NAGS: variants seen among roughly 807,000 people sequenced by gnomAD.
NAGS encodes N-acetylglutamate synthase, mitochondrial.
In NAGS, 34 loss-of-function variants were observed where a neutral mutation model predicts 46.9. The ratio of observed to expected loss-of-function variants is 0.72; its 90% CI spans 0.55 to 0.97. The LOEUF is 0.97. Ranked by LOEUF, NAGS falls within the 50% of genes least tolerant of loss-of-function variation. The probability of loss-of-function intolerance (pLI) is 0.00; values close to 1 mark genes in which losing one functional copy is unlikely to be tolerated. For missense variants in NAGS, 665 were observed against 747.0 expected (o/e 0.89, Z 1.28); for synonymous variants, 334 against 346.3 (o/e 0.96, Z 0.39).
Position 44,007,686 on chromosome 17 carries a change from G to A in NAGS, c.1364G>A (p.Gly455Asp). The A allele has an allele frequency of 6.2e-7, 1 of 1,604,746 alleles. No homozygotes were observed. Among genetic ancestry groups the A allele is most frequent in the Non-Finnish European group, 8.5e-7 (1 of 1,175,432 alleles). Residue 455 changes from glycine to aspartate, a missense_variant, in exon 6 of 7, where the codon GGC becomes GAC. Physicochemically the swap from Gly to Asp is moderately conservative, Grantham distance 94. Coordinates refer to ENST00000293404, the MANE Select transcript of NAGS (RefSeq NM_153006.3). The surrounding 1 kb of genome is among the most constrained non-coding windows in gnomAD (Gnocchi z 5.1). ...GTGAGCTCCAGCCGCCAGGGCCAAG[G>A]CTCCGGCCAGATGCTGTGGGAGTGC... ...FVVSSSRQGQ[G>D]SGQMLWECLR...
At position 44,007,232 on chromosome 17, in the gene NAGS, T is replaced by C. The variant is rs1054655457; in HGVS notation, c.1097-91T>C. 8.0e-7 allele frequency: 1 copy of C among 1,251,692 alleles called. No individual in the cohort carries two copies. The highest frequency in any genetic ancestry group is 1.5e-5 in the African/African-American group (1 of 66,138). The allele number at this position is 1,251,692 out of a possible 1,614,324, so 77.5% of individuals were successfully genotyped here. A position where few individuals can be genotyped will look rare whatever the true frequency, so the allele number is the denominator to read the frequency against. On this transcript the variant is annotated intron_variant, in intron 4 of 6. Transcript: ENST00000293404. The surrounding 1 kb of genome is among the most constrained non-coding windows in gnomAD (Gnocchi z 5.1). Reference sequence around the variant, plus strand: ...TGTGGAGGTCTCCCAAAGACGGAAATTGTCCCACCAGCGCCTGTCCTACCT... The same window carrying C: ...TGTGGAGGTCTCCCAAAGACGGAAACTGTCCCACCAGCGCCTGTCCTACCT...
Position 44,005,096 on chromosome 17 carries a change from G to A in NAGS, c.426+7G>A, listed in dbSNP as rs2143980401. The A allele has an allele frequency of 1.3e-6, 2 of 1,564,426 alleles. No individual in the cohort carries two copies. Among genetic ancestry groups the A allele is most frequent in the African/African-American group, 1.3e-5 (1 of 74,218 alleles). Reference sequence around the variant, plus strand: ...GCCCTTCGCCGTCATCGAGGTGAGCGGAGCCCGGCGTGGGCCGTGACGCAG... The same window carrying A: ...GCCCTTCGCCGTCATCGAGGTGAGCAGAGCCCGGCGTGGGCCGTGACGCAG... On this transcript the variant is annotated splice_region_variant and intron_variant, in intron 1 of 6. Transcript: ENST00000293404. This position sits in a 1 kb window ranked among gnomAD's most constrained non-coding sequence, Gnocchi z 7.2.
chr17:44,005,000 T>G lies in NAGS; in HGVS notation c.337T>G (p.Cys113Gly). 6.4e-7 allele frequency: 1 copy of G among 1,551,088 alleles called. No homozygotes were observed. Among genetic ancestry groups the G allele is most frequent in the Non-Finnish European group, 8.7e-7 (1 of 1,154,200 alleles). ...GGACATCCAGGCCTTCCTGAACCAG[T>G]GCGGGGCCAGCCCTGGGGAGGCGCG... ...QRDIQAFLNQ[C>G]GASPGEARHW... Residue 113 changes from cysteine (C) to glycine (G), a missense_variant, in exon 1 of 7, where the codon TGC becomes GGC. Coordinates refer to ENST00000293404, the MANE Select transcript of NAGS (RefSeq NM_153006.3).
Position 44,008,798 on chromosome 17 carries a change from C to A in NAGS, c.*197C>A. ...AAGCACAGGAAAGAAGGGGACCAGTCTAGGACCCCAACTCGACTCACTCTA... is the reference window on the plus strand; with the variant it reads ...AAGCACAGGAAAGAAGGGGACCAGTATAGGACCCCAACTCGACTCACTCTA... On this transcript the variant is annotated 3_prime_UTR_variant, in exon 7 of 7. Coordinates refer to ENST00000293404, the MANE Select transcript of NAGS (RefSeq NM_153006.3). 1 of 700,614 alleles carries A rather than the reference C, an allele frequency of 1.4e-6. No homozygotes were observed. Among genetic ancestry groups the A allele is most frequent in the Non-Finnish European group, 2.4e-6 (1 of 411,282 alleles). The allele number at this position is 700,614 out of a possible 1,614,324, so 43.4% of individuals were successfully genotyped here.
In NAGS at chr17:44,006,281, C is replaced by G; in HGVS notation, c.915+44C>G. The G allele has an allele frequency of 6.3e-7, 1 of 1,595,176 alleles. No individual in the cohort carries two copies. Among genetic ancestry groups the G allele is most frequent in the Non-Finnish European group, 8.5e-7 (1 of 1,169,718 alleles). ...CCTTCCCCCACGCCGGCGATCCGGG[C>G]CTTCTCTTGCGCCCCTCGCACTTCT... On this transcript the variant is annotated intron_variant, in intron 3 of 6. Transcript: ENST00000293404. This position sits in a 1 kb window ranked among gnomAD's most constrained non-coding sequence, Gnocchi z 4.8.
At chr17:44,008,163 C>T (rs2049119822) in intron 6 of NAGS, among the ~76,000 whole-genome samples, 1 of 152,214 alleles carries the variant, frequency 6.6e-6, no homozygotes, top group South Asian at 2.1e-4. Flanking sequence ...CTTTGCTGCA[C>T]AGCCAAGGCA....
chr17:44,005,896 C>A lies in NAGS; in HGVS notation c.686C>A (p.Pro229Gln). Residue 229 changes from proline (P) to glutamine (Q), a missense_variant, in exon 2 of 7, where the codon CCG becomes CAG. By Grantham distance (76) the Pro-to-Gln change is moderately conservative. Transcript: ENST00000293404. This position sits in a 1 kb window ranked among gnomAD's most constrained non-coding sequence, Gnocchi z 7.2. The part of the protein sequence containing the change: ...GGGSVLRAAE[P>Q]APHASYGGIV... ...GGGTCTGTGCTACGCGCTGCCGAGCCGGCTCCCCATGCCAGGTGAGTGCCC... is the reference window on the plus strand; with the variant it reads ...GGGTCTGTGCTACGCGCTGCCGAGCAGGCTCCCCATGCCAGGTGAGTGCCC... 1 of 1,548,512 alleles carries A rather than the reference C, an allele frequency of 6.5e-7. No individual in the cohort carries two copies. Among genetic ancestry groups the A allele is most frequent in the Non-Finnish European group, 8.7e-7 (1 of 1,150,442 alleles).
rs1273383289 is a variant in NAGS, at chr17:44,007,924, G to T, written c.1451+151G>T. On this transcript the variant is annotated intron_variant, in intron 6 of 6. Transcript: ENST00000293404. This position sits in a 1 kb window ranked among gnomAD's most constrained non-coding sequence, Gnocchi z 5.1. ...GGGGCAGAACACACAGAAAGCCTGAGATTTCCCGAGTTAAAGCATGCTTAA... is the reference window on the plus strand; with the variant it reads ...GGGGCAGAACACACAGAAAGCCTGATATTTCCCGAGTTAAAGCATGCTTAA... 2.3e-6 allele frequency: 2 copies of T among 856,340 alleles called. No homozygotes were observed. Among genetic ancestry groups the T allele is most frequent in the East Asian group, 5.3e-5 (2 of 37,648 alleles). The allele number at this position is 856,340 out of a possible 1,614,324, so 53.0% of individuals were successfully genotyped here.
Position 44,005,725 on chromosome 17 carries a change from T to C in NAGS, c.515T>C (p.Leu172Pro). Residue 172 changes from leucine to proline, a missense_variant, in exon 2 of 7, where the codon CTG becomes CCG. Coordinates refer to ENST00000293404, the MANE Select transcript of NAGS (RefSeq NM_153006.3). This position sits in a 1 kb window ranked among gnomAD's most constrained non-coding sequence, Gnocchi z 7.2. ...AFLQRMDMKP[L>P]VVLGLPAPTA... The stretch of plus-strand genomic sequence containing the variant: ...TTGCAGCGCATGGACATGAAGCCGC[T>C]GGTGGTCCTGGGGCTGCCGGCCCCT... The C allele has an allele frequency of 6.3e-7, 1 of 1,595,516 alleles. No homozygotes were observed. The highest frequency in any genetic ancestry group is 8.5e-7 in the Non-Finnish European group (1 of 1,171,608).
Position 44,005,867 on chromosome 17 carries a change from C to T in NAGS, c.657C>T (p.Gly219=). 6.4e-7 allele frequency: 1 copy of T among 1,553,764 alleles called. No homozygotes were observed. Among genetic ancestry groups the T allele is most frequent in the South Asian group, 1.2e-5 (1 of 84,752 alleles). The change falls in exon 2 of 7, where the codon GGC becomes GGT. Residue 219 remains glycine, a synonymous_variant. Coordinates refer to ENST00000293404, the MANE Select transcript of NAGS (RefSeq NM_153006.3). This position sits in a 1 kb window ranked among gnomAD's most constrained non-coding sequence, Gnocchi z 7.2. ...CCGCCGCTGCTGTGCCATTTTTTGGCGGCGGGTCTGTGCTACGCGCTGCCG... is the reference window on the plus strand; with the variant it reads ...CCGCCGCTGCTGTGCCATTTTTTGGTGGCGGGTCTGTGCTACGCGCTGCCG... ...HNAAAAVPFF[G]GGSVLRAAEP...
At position 44,006,530 on chromosome 17, in the gene NAGS, T is replaced by A. The variant is rs2049093895; in HGVS notation, c.917T>A (p.Val306Asp). 4 of 1,552,796 alleles carry A rather than the reference T, an allele frequency of 2.6e-6. No homozygotes were observed. The highest frequency in any genetic ancestry group is 3.5e-6 in the Non-Finnish European group (4 of 1,148,050). ...CTCACCCGCTGACTCCGGACACAGG[T>A]CCTGAGTAACGTGAACCTGCCCGCC... ...TGGLRDSSHKVLSNVNLPADL... is the reference protein window; with the variant it reads ...TGGLRDSSHKDLSNVNLPADL... Residue 306 changes from valine to aspartate, a missense_variant and splice_region_variant, in exon 4 of 7, where the codon GTC (valine) becomes GAC (aspartate). Coordinates refer to ENST00000293404, the MANE Select transcript of NAGS (RefSeq NM_153006.3). This position sits in a 1 kb window ranked among gnomAD's most constrained non-coding sequence, Gnocchi z 4.8.
In NAGS at chr17:44,006,313, C is replaced by A; in HGVS notation, c.915+76C>A. The A allele has an allele frequency of 1.3e-6, 2 of 1,548,302 alleles. No individual in the cohort carries two copies. The highest frequency in any genetic ancestry group is 1.8e-6 in the Non-Finnish European group (2 of 1,138,256). ...TTGCGCCCCTCGCACTTCTCCCCGA[C>A]GGGCCGCAGACTCACTAGCAAGCCG... On this transcript the variant is annotated intron_variant, in intron 3 of 6. Transcript: ENST00000293404. This position sits in a 1 kb window ranked among gnomAD's most constrained non-coding sequence, Gnocchi z 4.8.
chr17:44,005,014 TG>T lies in NAGS; in HGVS notation c.355del (p.Glu119ArgfsTer51). Reference sequence around the variant, plus strand: ...TCCTGAACCAGTGCGGGGCCAGCCCTGGGGAGGCGCGCCACTGGCTCACGCA... The same window carrying T: ...TCCTGAACCAGTGCGGGGCCAGCCCTGGGAGGCGCGCCACTGGCTCACGCA... ...AFLNQCGASP[G>X]EARHWLTQFQ... On this transcript the variant is annotated frameshift_variant, in exon 1 of 7. Transcript: ENST00000293404. LOFTEE classifies it high-confidence loss of function. This position sits in a 1 kb window ranked among gnomAD's most constrained non-coding sequence, Gnocchi z 7.2. 1.3e-6 allele frequency: 2 copies of T among 1,560,306 alleles called. No homozygotes were observed. The highest frequency in any genetic ancestry group is 8.6e-7 in the Non-Finnish European group (1 of 1,158,704).
chr17:44,007,918 G>A lies in NAGS; in HGVS notation c.1451+145G>A. ...CTCCCAGGGGCAGAACACACAGAAA[G>A]CCTGAGATTTCCCGAGTTAAAGCAT... On this transcript the variant is annotated intron_variant, in intron 6 of 6. Transcript: ENST00000293404. This position sits in a 1 kb window ranked among gnomAD's most constrained non-coding sequence, Gnocchi z 5.1. 1.1e-6 allele frequency: 1 copy of A among 882,006 alleles called. No homozygotes were observed. The highest frequency in any genetic ancestry group is 2.2e-5 in the Admixed American group (1 of 44,776). The allele number at this position is 882,006 out of a possible 1,614,324, so 54.6% of individuals were successfully genotyped here. A position where few individuals can be genotyped will look rare whatever the true frequency, so the allele number is the denominator to read the frequency against.
chr17:44,006,281 C>A lies in NAGS; in HGVS notation c.915+44C>A. 6.3e-7 allele frequency: 1 copy of A among 1,595,176 alleles called. No individual in the cohort carries two copies. Among genetic ancestry groups the A allele is most frequent in the Non-Finnish European group, 8.5e-7 (1 of 1,169,718 alleles). On this transcript the variant is annotated intron_variant, in intron 3 of 6. Coordinates refer to ENST00000293404, the MANE Select transcript of NAGS (RefSeq NM_153006.3). The surrounding 1 kb of genome is among the most constrained non-coding windows in gnomAD (Gnocchi z 4.8). ...CCTTCCCCCACGCCGGCGATCCGGG[C>A]CTTCTCTTGCGCCCCTCGCACTTCT... is the stretch of plus-strand genomic sequence containing the variant.
Position 44,008,624 on chromosome 17 carries a change from C to T in NAGS, c.*23C>T. The T allele has an allele frequency of 6.2e-7, 1 of 1,612,848 alleles. No homozygotes were observed. The highest frequency in any genetic ancestry group is 8.5e-7 in the Non-Finnish European group (1 of 1,179,698). ...TGACCCTCACCATGGACACTACAGG[C>T]CCTGGAATGGCCAGGGTGGACCAAA... On this transcript the variant is annotated 3_prime_UTR_variant, in exon 7 of 7. Coordinates refer to ENST00000293404, the MANE Select transcript of NAGS (RefSeq NM_153006.3).
At position 44,004,785 on chromosome 17, in the gene NAGS, G is replaced by A. The variant is rs1197860517; in HGVS notation, c.122G>A (p.Arg41Lys). 3 of 1,363,110 alleles carry A rather than the reference G, an allele frequency of 2.2e-6. No homozygotes were observed. The highest frequency in any genetic ancestry group is 2.8e-6 in the Non-Finnish European group (3 of 1,064,246). The allele number at this position is 1,363,110 out of a possible 1,614,324, so 84.4% of individuals were successfully genotyped here. The change falls in exon 1 of 7, where the codon AGG (arginine) becomes AAG (lysine). Residue 41 changes from arginine to lysine, a missense_variant. By Grantham distance (26) the Arg-to-Lys change is conservative. Coordinates refer to ENST00000293404, the MANE Select transcript of NAGS (RefSeq NM_153006.3). ...TGTGGCGCGCGGCGGCGGGCGGCGA[G>A]GGGCACCAGCCCGGGGCGCCGGCTC... ...LSCGARRRAA[R>K]GTSPGRRLST... is the part of the protein sequence containing the mutation.
chr17:44,006,692 A>G lies in NAGS; in HGVS notation c.1079A>G (p.Glu360Gly). ...VITAASTLLTELFSNKGSGTL... is the reference protein window; with the variant it reads ...VITAASTLLTGLFSNKGSGTL... Reference sequence around the variant, plus strand: ...ACCGCCGCTAGCACGCTGCTCACTGAGCTCTTTAGCAACAAGGGTGAGGGC... The same window carrying G: ...ACCGCCGCTAGCACGCTGCTCACTGGGCTCTTTAGCAACAAGGGTGAGGGC... Residue 360 changes from glutamate (E) to glycine (G), a missense_variant, in exon 4 of 7, where the codon GAG (glutamate) becomes GGG (glycine). Glu to Gly is a moderately conservative substitution (Grantham distance 98, BLOSUM62 -2). Coordinates refer to ENST00000293404, the MANE Select transcript of NAGS (RefSeq NM_153006.3). This position sits in a 1 kb window ranked among gnomAD's most constrained non-coding sequence, Gnocchi z 4.8. The G allele has an allele frequency of 1.9e-6, 3 of 1,609,094 alleles. No individual in the cohort carries two copies. The highest frequency in any genetic ancestry group is 2.5e-6 in the Non-Finnish European group (3 of 1,177,374).
chr17:44,005,102 C>G lies in NAGS; in HGVS notation c.426+13C>G. On this transcript the variant is annotated intron_variant, in intron 1 of 6. Coordinates refer to ENST00000293404, the MANE Select transcript of NAGS (RefSeq NM_153006.3). The surrounding 1 kb of genome is among the most constrained non-coding windows in gnomAD (Gnocchi z 7.2). ...CGCCGTCATCGAGGTGAGCGGAGCC[C>G]GGCGTGGGCCGTGACGCAGCGAGGG... 1 of 1,559,636 alleles carries G rather than the reference C, an allele frequency of 6.4e-7. No homozygotes were observed. Among genetic ancestry groups the G allele is most frequent in the Non-Finnish European group, 8.6e-7 (1 of 1,156,094 alleles).
Sources: gnomAD v4.1 joint callset for allele counts (sites outside exome capture counted in the v4.1 genomes callset) on GRCh38, gnomAD v4.1.1 for gene constraint, Gnocchi (gnomAD v3.1) non-coding constraint, MANE v1.5 for transcripts, NCBI Gene and HGNC (gene_info 2026-07-23, HGNC 2026-07-21) for gene names.